The following HPR variants were observed in gnomAD, a reference collection of about 807,000 sequenced individuals.
The protein encoded by HPR is haptoglobin-related protein.
In HPR, 17 loss-of-function variants were observed where a neutral mutation model predicts 18.5. The ratio of observed to expected loss-of-function variants is 0.92; its 90% confidence interval spans 0.63 to 1.38. The LOEUF is 1.38. Among genes scored for constraint, HPR ranks in the 40% most tolerant of loss-of-function variants. The pLI, the probability that HPR is intolerant of heterozygous loss-of-function variation, is 0.00. For missense variants in HPR, 457 were observed against 432.4 expected, an observed-to-expected ratio of 1.06 and a Z score of -0.51; for synonymous variants, 176 against 165.0, an observed-to-expected ratio of 1.07 and a Z score of -0.51.
chr16:72,076,982 C>T lies in HPR; in HGVS notation c.948C>T (p.Ile316=). The T allele has an allele frequency of 6.2e-7, 1 of 1,614,176 alleles. No individual in the cohort carries two copies. The highest frequency in any genetic ancestry group is 8.5e-7 in the Non-Finnish European group (1 of 1,180,034). The stretch of plus-strand genomic sequence containing the variant: ...AGGACACCTGGTACGCGGCTGGGAT[C>T]CTAAGCTTTGATAAGAGCTGTGCTG... ...LEEDTWYAAG[I]LSFDKSCAVA... is the part of the protein sequence containing the mutation. The change falls in exon 5 of 5, where the codon ATC becomes ATT. Residue 316 remains isoleucine, a synonymous_variant. Transcript: ENST00000540303.
At chr16:72,076,020 TTGAGA>T (rs1350494934) in intron 4 of HPR, among the ~76,000 whole-genome samples, 1 of 152,106 alleles carries the variant, frequency 6.6e-6, no homozygotes, top group African/African-American at 2.4e-5. Context: ...AATTCCTTTG[TTGAGA>T]TAATTGTTTA....
chr16:72,075,269 G>A (rs2041706086), intron 4 of HPR, 50 bp downstream of exon 4: 3 of 1,037,552 alleles, frequency 2.9e-6, no homozygotes, highest in South Asian at 1.6e-5. Flanking sequence ...CGTCCAGCGG[G>A]GAACGTCCTA....
Position 72,075,224 on chromosome 16 carries a change from G to T in HPR, c.268+5G>T. 3 of 1,439,094 alleles carry T rather than the reference G, an allele frequency of 2.1e-6. No homozygotes were observed. The highest frequency in any genetic ancestry group is 2.9e-6 in the Non-Finnish European group (3 of 1,047,434). The allele number at this position is 1,439,094 out of a possible 1,614,324, so 89.1% of individuals were successfully genotyped here. ...AACTTCCTGAATGTGAAGCAGGTGG[G>T]TGCTGAGCACTGAGCACTTAAGAGA... On this transcript the variant is annotated splice_donor_5th_base_variant and intron_variant, in intron 4 of 4. Transcript: ENST00000540303.
In HPR at chr16:72,076,927, G is replaced by A. The variant is rs374535436; in HGVS notation, c.893G>A (p.Gly298Asp). The part of the protein sequence containing the change: ...YQEDTCYGDA[G>D]SAFAVHDLEE... The stretch of plus-strand genomic sequence containing the variant: ...GAAGACACCTGCTATGGCGATGCGG[G>A]CAGTGCCTTTGCCGTTCACGACCTG... Residue 298 changes from glycine to aspartate, a missense_variant, in exon 5 of 5, where the codon GGC becomes GAC. Physicochemically the swap from Gly to Asp is moderately conservative, Grantham distance 94. Coordinates refer to ENST00000540303, the MANE Select transcript of HPR (RefSeq NM_020995.4). 299 of 1,614,126 alleles carry A rather than the reference G, an allele frequency of 1.9e-4. No homozygotes were observed. The highest frequency in any genetic ancestry group is 2.2e-4 in the Non-Finnish European group (265 of 1,180,052).
chr16:72,071,622 G>A (rs1267124693), intron 1 of HPR, among the ~76,000 whole-genome samples: 2 of 152,188 alleles, frequency 1.3e-5, no homozygotes, highest in Non-Finnish European at 2.9e-5. Flanking sequence ...TTAATGGGAT[G>A]CAGTGAGCTT....
At chr16:72,067,392 A>G (rs1180013342) in intron 1 of HPR, among the ~76,000 whole-genome samples, 2 of 152,196 alleles carry the variant, frequency 1.3e-5, no homozygotes, top group Non-Finnish European at 2.9e-5. Flanking sequence ...AAAATACAGA[A>G]GTCAAGTACC....
intron 4 of HPR, 128 bp downstream of exon 4, chr16:72,075,347 C>A: frequency 1.3e-6 from 1 of 758,096 alleles, no homozygotes; most frequent in Admixed American, 2.6e-5. Flanking sequence ...GTGGGAGAAC[C>A]GCAGCTGGCC....
At chr16:72,073,864 T>A (rs751768536) in intron 1 of HPR, 28 bp from the exon 2 acceptor site, 1 of 1,613,718 alleles carries the variant, frequency 6.2e-7, no homozygotes, top group Non-Finnish European at 8.5e-7. Context: ...AGACCAGCTT[T>A]CCGCTCCTTC....
In HPR at chr16:72,076,615, T is replaced by C; in HGVS notation, c.581T>C (p.Leu194Pro). Residue 194 changes from leucine to proline, a missense_variant, in exon 5 of 5, where the codon CTC (leucine) becomes CCC (proline). Transcript: ENST00000540303. The stretch of plus-strand genomic sequence containing the variant: ...CAGGTAGATATTGGGCTCATCAAAC[T>C]CAAACAGAAGGTGCTTGTTAATGAG... ...YHQVDIGLIKLKQKVLVNERV... is the reference protein window; with the variant it reads ...YHQVDIGLIKPKQKVLVNERV... 6.2e-7 allele frequency: 1 copy of C among 1,614,180 alleles called. No homozygotes were observed. The highest frequency in any genetic ancestry group is 8.5e-7 in the Non-Finnish European group (1 of 1,180,018).
In HPR at chr16:72,076,301, A is replaced by G. The variant is rs750483341; in HGVS notation, c.269-2A>G. The G allele has an allele frequency of 1.5e-5, 24 of 1,612,638 alleles. 1 individual carries two copies. In the South Asian group the frequency reaches 2.5e-4, roughly 17 times the overall value. On this transcript the variant is annotated splice_acceptor_variant, in intron 4 of 4. Coordinates refer to ENST00000540303, the MANE Select transcript of HPR (RefSeq NM_020995.4). LOFTEE classifies it high-confidence loss of function. ...TCACGAGTGTCTTGCTCTCCTTGAC[A>G]GTATGTGGGAAGCCCAAGAATCCGG... is the stretch of plus-strand genomic sequence containing the variant.
At chr16:72,074,046 T>G in intron 2 of HPR, 69 bp downstream of exon 2, 3 of 1,593,974 alleles carry the variant, frequency 1.9e-6, no homozygotes, top group Non-Finnish European at 2.6e-6. Flanking sequence ...CTCTCTCGGG[T>G]CTGCATTCTT....
At chr16:72,067,619 T>A (rs1013898122) in intron 1 of HPR, among the ~76,000 whole-genome samples, 1 of 152,140 alleles carries the variant, frequency 6.6e-6, no homozygotes, top group African/African-American at 2.4e-5. Context: ...ATTCTCCCAA[T>A]CCACATCAAG....
At chr16:72,064,998 A>G (rs1308017814) in intron 1 of HPR, among the ~76,000 whole-genome samples, 1 of 152,206 alleles carries the variant, frequency 6.6e-6, no homozygotes, top group Non-Finnish European at 1.5e-5. Flanking sequence ...GACCAAGGTA[A>G]GAAATGTCGC....
Position 72,074,289 on chromosome 16 carries a change from C to T in HPR, c.97C>T (p.Arg33Cys), listed in dbSNP as rs201818109. 2.3e-5 allele frequency: 37 copies of T among 1,613,414 alleles called. No individual in the cohort carries two copies. Among genetic ancestry groups the T allele is most frequent in the Middle Eastern group, 1.6e-4 (1 of 6,078 alleles). The change falls in exon 3 of 5, where the codon CGC becomes TGC. Residue 33 changes from arginine (R) to cysteine (C), a missense_variant. Arg to Cys is a radical substitution (Grantham distance 180). Coordinates refer to ENST00000540303, the MANE Select transcript of HPR (RefSeq NM_020995.4). Reference sequence around the variant, plus strand: ...TGGCTTCTCTCTCTTTGCAGATGACCGCTTCCCGAAGCCCCCTGAGATTGC... The same window carrying T: ...TGGCTTCTCTCTCTTTGCAGATGACTGCTTCCCGAAGCCCCCTGAGATTGC... ...GNDVTDISDD[R>C]FPKPPEIANG...
At chr16:72,073,812 A>C (rs2041684152) in intron 1 of HPR, 80 bp from the exon 2 acceptor site, 1 of 1,607,482 alleles carries the variant, frequency 6.2e-7, no homozygotes, top group Non-Finnish European at 8.5e-7. Flanking sequence ...GTGTGTGTAC[A>C]TGCCTGTGTG....
intron 4 of HPR, among the ~76,000 whole-genome samples, chr16:72,075,957 G>A (rs1199502505): frequency 6.6e-6 from 1 of 151,712 alleles, no homozygotes; most frequent in Non-Finnish European, 1.5e-5. Context: ...TTACAGGCGT[G>A]AGCCACCGCA....
chr16:72,072,134 G>A (rs2041664270), intron 1 of HPR, among the ~76,000 whole-genome samples: 2 of 151,764 alleles, frequency 1.3e-5, no homozygotes. Context: ...TCGGCCTCCC[G>A]AGTAGCTGGG....
At chr16:72,069,049 C>G (rs189921744) in intron 1 of HPR, among the ~76,000 whole-genome samples, 1 of 152,266 alleles carries the variant, frequency 6.6e-6, no homozygotes, top group East Asian at 1.9e-4. Context: ...TGGAGAAATT[C>G]TCTATGTATA....
At position 72,074,197 on chromosome 16, in the gene HPR, C is replaced by T. The variant is rs957551851; in HGVS notation, c.92-87C>T. On this transcript the variant is annotated intron_variant, in intron 2 of 4. Coordinates refer to ENST00000540303, the MANE Select transcript of HPR (RefSeq NM_020995.4). The stretch of plus-strand genomic sequence containing the variant: ...TTTGGGGTAGAAGGAGATTGATGTG[C>T]AGAGCAGCTTCCACTCATCTGACTT... 2.3e-6 allele frequency: 3 copies of T among 1,304,174 alleles called. No homozygotes were observed. The African/African-American group carries it at 4.3e-5, about 19-fold the overall frequency. 80.8% of individuals were successfully genotyped at this position (1,304,174 alleles called of 1,614,324 possible). A position where few individuals can be genotyped will look rare whatever the true frequency, so the allele number is the denominator to read the frequency against.
Sources: allele counts gnomAD v4.1 joint callset (sites outside exome capture counted in the v4.1 genomes callset), GRCh38; gene constraint gnomAD v4.1.1; transcripts MANE v1.5; gene names NCBI Gene and HGNC (gene_info 2026-07-23, HGNC 2026-07-21).